The following CA13 variants were observed in gnomAD, a reference collection of about 807,000 sequenced individuals.
CA13 encodes the protein carbonic anhydrase 13.
A neutral mutation model predicts 31.5 loss-of-function variants in CA13; 21 were observed. The ratio of observed to expected loss-of-function variants is 0.67; its 90% CI spans 0.47 to 0.96. The LOEUF is 0.96. Ranked by LOEUF, CA13 falls within the 40% of genes least tolerant of loss-of-function variation. The pLI is 0.00. For missense variants in CA13, 315 were observed against 318.9 expected (o/e 0.99, Z 0.09); for synonymous variants, 117 against 111.4 (o/e 1.05, Z -0.32).
chr8:85,268,355 A>G lies in CA13; in HGVS notation c.514-117A>G, dbSNP rs969963067. ...AAAGGAAGATATTACATAATTCTAG[A>G]TGCAGATATTCTGTATTGTTTATGG... On this transcript the variant is annotated intron_variant, in intron 5 of 6. Coordinates refer to ENST00000321764, the MANE Select transcript of CA13 (RefSeq NM_198584.3). The G allele has an allele frequency of 2.6e-5, 23 of 875,486 alleles. No individual in the cohort carries two copies. The African/African-American group carries it at 3.9e-4, about 15-fold the overall frequency. 54.2% of individuals were successfully genotyped at this position (875,486 alleles called of 1,614,324 possible).
chr8:85,252,424 C>T (rs1807207142), intron 2 of CA13, among the ~76,000 whole-genome samples: 1 of 96,300 alleles, frequency 1.0e-5, no homozygotes, highest in Non-Finnish European at 2.4e-5. Context: ...TGTATATTCC[C>T]TATTAGTACT....
intron 6 of CA13, among the ~76,000 whole-genome samples, chr8:85,270,416 T>A (rs566999223): frequency 1.3e-5 from 2 of 152,340 alleles, no homozygotes; most frequent in South Asian, 4.1e-4. Context: ...GTATACTTTT[T>A]AAAAACATTT....
chr8:85,281,315 T>G lies in CA13; in HGVS notation c.755T>G (p.Leu252Arg). The change falls in exon 7 of 7, where the codon CTA (leucine) becomes CGA (arginine). Residue 252 changes from leucine to arginine, a missense_variant. Physicochemically the swap from Leu to Arg is moderately radical, Grantham distance 102. Coordinates refer to ENST00000321764, the MANE Select transcript of CA13 (RefSeq NM_198584.3). ...AGCAATCACCGCCCACCACAGCCTCTAAAGGGCCGCAAAGTGAGAGCCTCT... is the reference window on the plus strand; with the variant it reads ...AGCAATCACCGCCCACCACAGCCTCGAAAGGGCCGCAAAGTGAGAGCCTCT... ...LVSNHRPPQP[L>R]KGRKVRASFH 1 of 1,613,988 alleles carries G rather than the reference T, an allele frequency of 6.2e-7. No individual in the cohort carries two copies. The highest frequency in any genetic ancestry group is 1.7e-5 in the Admixed American group (1 of 60,012).
intron 1 of CA13, among the ~76,000 whole-genome samples, chr8:85,250,506 G>GTTA (rs1813806746): frequency 4.6e-5 from 7 of 152,030 alleles, no homozygotes; most frequent in African/African-American, 1.7e-4. Flanking sequence ...GTCTACAAGG[G>GTTA]TTACTTTAAT....
At position 85,245,779 on chromosome 8, in the gene CA13, CTT is replaced by C; in HGVS notation, c.-48_-47del. ...CCCGGGCCCCTCCCCGCTCCCTCCT[CTT>C]TCTCGCTGCTCAGTCACATCTTTCT... is the stretch of plus-strand genomic sequence containing the variant. On this transcript the variant is annotated 5_prime_UTR_variant, in exon 1 of 7. Transcript: ENST00000321764. 1 of 1,608,604 alleles carries C rather than the reference CTT, an allele frequency of 6.2e-7. No homozygotes were observed. Among genetic ancestry groups the C allele is most frequent in the Non-Finnish European group, 8.5e-7 (1 of 1,175,214 alleles).
chr8:85,272,740 GTCT>G (rs1807544807), intron 6 of CA13, among the ~76,000 whole-genome samples: 1 of 152,100 alleles, frequency 6.6e-6, no homozygotes, highest in Non-Finnish European at 1.5e-5. Flanking sequence ...ACATTTTTAT[GTCT>G]TGTGTCAATA....
intron 1 of CA13, 151 bp downstream of exon 1, chr8:85,246,016 A>C (rs1168747584): frequency 1.1e-6 from 1 of 885,346 alleles, no homozygotes; most frequent in Non-Finnish European, 1.9e-6. Context: ...CTGGGAGCCC[A>C]GTGCGAGAAG....
In CA13 at chr8:85,248,637, G is replaced by A. The variant is rs377092032; in HGVS notation, c.38-2103G>A. 4.2e-4 allele frequency among the ~76,000 whole-genome samples: 64 copies of A among 152,124 alleles called. No homozygotes were observed. The East Asian group carries it at 0.01, about 24-fold the overall frequency. The stretch of plus-strand genomic sequence containing the variant: ...TTTTTTTTGGAAAAATTGAAAAAGG[G>A]GACCTCTTTAAGAGGCAGGGTACTG... On this transcript the variant is annotated intron_variant, in intron 1 of 6. Coordinates refer to ENST00000321764, the MANE Select transcript of CA13 (RefSeq NM_198584.3).
chr8:85,276,201 A>C (rs1055639517), intron 6 of CA13, among the ~76,000 whole-genome samples: 3 of 151,984 alleles, frequency 2.0e-5, no homozygotes, highest in Non-Finnish European at 4.4e-5. Context: ...GGGGCTTAGC[A>C]CCTGGGCCAG....
At chr8:85,258,500 T>TA (rs1372395221) in intron 2 of CA13, among the ~76,000 whole-genome samples, 3 of 152,140 alleles carry the variant, frequency 2.0e-5, no homozygotes, top group Non-Finnish European at 4.4e-5. Flanking sequence ...GTTTTTACAG[T>TA]AAAAAACTGT....
At chr8:85,259,604 G>C in intron 3 of CA13, 65 bp downstream of exon 3, 2 of 1,323,486 alleles carry the variant, frequency 1.5e-6, no homozygotes, top group South Asian at 2.4e-5. Flanking sequence ...GGGGTACAGA[G>C]ACAACTTTAC....
intron 3 of CA13, 105 bp from the exon 4 acceptor site, chr8:85,266,503 A>G: frequency 2.7e-6 from 2 of 742,386 alleles, no homozygotes; most frequent in Admixed American, 2.5e-5. Flanking sequence ...AATACATTAT[A>G]CATAAGTGTA....
chr8:85,263,233 C>T (rs1375508802), intron 3 of CA13, among the ~76,000 whole-genome samples: 1 of 152,088 alleles, frequency 6.6e-6, no homozygotes, highest in African/African-American at 2.4e-5. Flanking sequence ...TGTGCTCTGT[C>T]CTGATGAGGC....
intron 3 of CA13, among the ~76,000 whole-genome samples, chr8:85,259,905 GAGAA>G (rs1159103974): frequency 1.3e-5 from 2 of 152,038 alleles, no homozygotes; most frequent in Non-Finnish European, 2.9e-5. Flanking sequence ...TGAGAAGAGA[GAGAA>G]AGAAACATTT....
In CA13 at chr8:85,281,448, T is replaced by A. The variant is rs1204823431; in HGVS notation, c.*99T>A. 1 of 1,511,694 alleles carries A rather than the reference T, an allele frequency of 6.6e-7. No individual in the cohort carries two copies. Among genetic ancestry groups the A allele is most frequent in the Non-Finnish European group, 8.9e-7 (1 of 1,125,016 alleles). 93.6% of individuals were successfully genotyped at this position (1,511,694 alleles called of 1,614,324 possible). On this transcript the variant is annotated 3_prime_UTR_variant, in exon 7 of 7. Transcript: ENST00000321764. The stretch of plus-strand genomic sequence containing the variant: ...TGCCAACAACTCTTTTGTGGAATTC[T>A]AATTTATAGGAAACATTTTAGTATG...
At chr8:85,246,694 T>C in intron 1 of CA13, 1 of 341,830 alleles carries the variant, frequency 2.9e-6, no homozygotes. Flanking sequence ...ATTGTTTAAA[T>C]AATAATTATT....
intron 1 of CA13, among the ~76,000 whole-genome samples, chr8:85,246,091 T>C (rs1467781276): frequency 6.6e-6 from 1 of 152,172 alleles, no homozygotes; most frequent in Non-Finnish European, 1.5e-5. Flanking sequence ...GTGTGTGTTA[T>C]CTCTGTCAGG....
intron 6 of CA13, among the ~76,000 whole-genome samples, chr8:85,277,307 A>G (rs978478288): frequency 2.0e-5 from 3 of 151,906 alleles, no homozygotes; most frequent in Non-Finnish European, 2.9e-5. Flanking sequence ...CCACGAACCC[A>G]CCGGGAGGAG....
At chr8:85,264,440 CT>C (rs531595623) in intron 3 of CA13, among the ~76,000 whole-genome samples, 5 of 150,856 alleles carry the variant, frequency 3.3e-5, no homozygotes, top group Admixed American at 6.6e-5. Context: ...TGTGAGTTTG[CT>C]TTTTTTTTGT....
Sources: allele counts gnomAD v4.1 joint callset (sites outside exome capture counted in the v4.1 genomes callset), GRCh38; gene constraint gnomAD v4.1.1; transcripts MANE v1.5; gene names NCBI Gene and HGNC (gene_info 2026-07-23, HGNC 2026-07-21).